Variants in SYT16 observed in about 807,000 individuals in gnomAD.
SYT16 encodes the protein synaptotagmin-16.
In SYT16, 42 loss-of-function variants were observed where a neutral mutation model predicts 61.4. The observed-to-expected ratio is 0.68, with a 90% CI of 0.53 to 0.89. The LOEUF (loss-of-function observed/expected upper bound fraction) is 0.89. Ranked by LOEUF, SYT16 falls within the 40% of genes least tolerant of loss-of-function variation. The pLI, the probability that SYT16 is intolerant of heterozygous loss-of-function variation, is 0.00. For missense variants in SYT16, 804 were observed against 807.3 expected (o/e 1.00, Z 0.05); for synonymous variants, 314 against 302.3 (o/e 1.04, Z -0.40).
chr14:62,043,189 T>A (rs1423469399), intron 3 of SYT16, among the ~76,000 whole-genome samples: 1 of 151,574 alleles, frequency 6.6e-6, no homozygotes, highest in African/African-American at 2.4e-5. Flanking sequence ...TTTCTCGTCC[T>A]ATAGTAGTAC....
At chr14:62,033,303 A>G (rs935724240) in intron 3 of SYT16, among the ~76,000 whole-genome samples, 1 of 152,130 alleles carries the variant, frequency 6.6e-6, no homozygotes, top group African/African-American at 2.4e-5. Flanking sequence ...TGGAAATAAA[A>G]TATTTGACAA....
chr14:62,046,779 T>A (rs1443967501), intron 3 of SYT16, among the ~76,000 whole-genome samples: 1 of 152,200 alleles, frequency 6.6e-6, no homozygotes, highest in Middle Eastern at 3.2e-3. Flanking sequence ...TGTGGCATTA[T>A]GTCTGAGGGC....
At chr14:61,921,446 A>C (rs1391552160) in intron 1 of SYT16, among the ~76,000 whole-genome samples, 1 of 152,230 alleles carries the variant, frequency 6.6e-6, no homozygotes, top group Non-Finnish European at 1.5e-5. Flanking sequence ...TCCCAGTCTC[A>C]GTCTCTGTAG....
chr14:61,858,139 A>AAAAAG (rs1344761973), intron 1 of SYT16, among the ~76,000 whole-genome samples: 1 of 148,776 alleles, frequency 6.7e-6, no homozygotes, highest in Non-Finnish European at 1.5e-5. Flanking sequence ...AAAAAAAAAA[A>AAAAAG]AAAAGAAAGA....
chr14:62,063,022 G>T (rs1055559830), intron 3 of SYT16, among the ~76,000 whole-genome samples: 10 of 152,144 alleles, frequency 6.6e-5, no homozygotes, highest in African/African-American at 2.4e-4. Context: ...TGGTAATTTT[G>T]TTTCCTTAAA....
intron 1 of SYT16, among the ~76,000 whole-genome samples, chr14:61,965,601 G>T (rs2140513012): frequency 6.6e-6 from 1 of 152,166 alleles, no homozygotes; most frequent in Admixed American, 6.5e-5. Flanking sequence ...ATATTCAAAG[G>T]TCATAATAGT....
intron 1 of SYT16, among the ~76,000 whole-genome samples, chr14:61,933,818 T>C (rs775602451): frequency 2.0e-5 from 3 of 152,182 alleles, no homozygotes; most frequent in Non-Finnish European, 4.4e-5. Flanking sequence ...AAAAAAACAG[T>C]CTATACTAGA....
intron 1 of SYT16, among the ~76,000 whole-genome samples, chr14:61,938,557 A>T (rs1327003149): frequency 6.6e-6 from 1 of 152,166 alleles, no homozygotes; most frequent in Non-Finnish European, 1.5e-5. Context: ...ACTCTGTGGA[A>T]CTACAAGGCT....
intron 7 of SYT16, among the ~76,000 whole-genome samples, chr14:62,099,925 C>T (rs930045683): frequency 2.0e-5 from 3 of 152,160 alleles, no homozygotes; most frequent in African/African-American, 7.2e-5. Flanking sequence ...CACACATGCA[C>T]ACACACATAC....
chr14:61,950,993 A>G (rs2050649021), intron 1 of SYT16, among the ~76,000 whole-genome samples: 2 of 152,216 alleles, frequency 1.3e-5, no homozygotes, highest in Admixed American at 6.5e-5. Flanking sequence ...ATTTGAATAT[A>G]TGATAGTTTT....
chr14:62,055,539 C>T (rs2055513793), intron 3 of SYT16, among the ~76,000 whole-genome samples: 2 of 152,202 alleles, frequency 1.3e-5, no homozygotes, highest in Admixed American at 6.5e-5. Context: ...GAACCAATCA[C>T]CCTACCTGTC....
chr14:62,013,013 G>A (rs1738415188), intron 3 of SYT16, among the ~76,000 whole-genome samples: 2 of 152,130 alleles, frequency 1.3e-5, no homozygotes, highest in Admixed American at 6.5e-5. Context: ...GTGAATGTTA[G>A]CAATAATAAG....
At chr14:61,819,771 T>C (rs1162768600) in intron 1 of SYT16, among the ~76,000 whole-genome samples, 1 of 152,186 alleles carries the variant, frequency 6.6e-6, no homozygotes, top group East Asian at 1.9e-4. Flanking sequence ...CAGGCCTGGT[T>C]CCAGAGGTGC....
At chr14:61,966,299 G>A (rs2051312522) in intron 1 of SYT16, among the ~76,000 whole-genome samples, 1 of 151,554 alleles carries the variant, frequency 6.6e-6, no homozygotes, top group Non-Finnish European at 1.5e-5. Context: ...ATTAATATAA[G>A]CATATGAAAT....
chr14:61,826,914 T>G (rs2045789182), intron 1 of SYT16, among the ~76,000 whole-genome samples: 1 of 151,988 alleles, frequency 6.6e-6, no homozygotes, highest in South Asian at 2.1e-4. Flanking sequence ...GGCACCTTCT[T>G]TCCGTGTCCT....
At chr14:61,963,617 G>C (rs368225978) in intron 1 of SYT16, among the ~76,000 whole-genome samples, 1 of 152,178 alleles carries the variant, frequency 6.6e-6, no homozygotes, top group African/African-American at 2.4e-5. Flanking sequence ...TTACATGAAA[G>C]AGCAAGGTGA....
chr14:61,992,487 A>T (rs1206044122), intron 2 of SYT16, among the ~76,000 whole-genome samples: 1 of 152,108 alleles, frequency 6.6e-6, no homozygotes, highest in African/African-American at 2.4e-5. Flanking sequence ...TGGTTGATAA[A>T]TAGCCACCGA....
intron 1 of SYT16, among the ~76,000 whole-genome samples, chr14:61,945,228 G>A (rs1162002193): frequency 6.6e-6 from 1 of 152,136 alleles, no homozygotes; most frequent in Non-Finnish European, 1.5e-5. Flanking sequence ...TAAACAGTCA[G>A]GAAACAACAG....
At chr14:61,833,141 T>C (rs759277817) in intron 1 of SYT16, among the ~76,000 whole-genome samples, 5 of 152,186 alleles carry the variant, frequency 3.3e-5, no homozygotes, top group Non-Finnish European at 5.9e-5. Context: ...GTTTACTGTA[T>C]CCCTAGGAAT....
Sources: allele counts gnomAD v4.1 joint callset (sites outside exome capture counted in the v4.1 genomes callset), GRCh38; gene constraint gnomAD v4.1.1; transcripts MANE v1.5; gene names NCBI Gene and HGNC (gene_info 2026-07-23, HGNC 2026-07-21).